The following ROBO2 variants were observed in gnomAD, a reference collection of about 807,000 sequenced individuals.
The protein encoded by ROBO2 is roundabout guidance receptor 2, also known as roundabout homolog 2.
ROBO2 carries 53 observed loss-of-function variants against 160.8 expected under a neutral mutation model. The observed-to-expected ratio is 0.33, with a 90% CI of 0.26 to 0.41. The LOEUF (loss-of-function observed/expected upper bound fraction) is 0.41, where lower values mean the gene tolerates loss of function less well. Ranked by LOEUF, ROBO2 falls within the 10% of genes least tolerant of loss-of-function variation. The pLI is 1.00. For synonymous variants in ROBO2, 664 were observed against 611.7 expected, an observed-to-expected ratio of 1.09 and a Z score of -1.26; for missense variants, 1,577 against 1,722.4, an observed-to-expected ratio of 0.92 and a Z score of 1.49.
At chr3:77,078,948 G>T (rs1379975021) in intron 1 of ROBO2, among the ~76,000 whole-genome samples, 6 of 151,998 alleles carry the variant, frequency 3.9e-5, no homozygotes, top group African/African-American at 1.4e-4. Flanking sequence ...TTTATTGATT[G>T]ATTGATTGAT....
intron 2 of ROBO2, among the ~76,000 whole-genome samples, chr3:76,775,748 T>C (rs1465939809): frequency 2.3e-5 from 1 of 44,254 alleles, no homozygotes; most frequent in Non-Finnish European, 5.0e-5. Flanking sequence ...TGTTATTTAA[T>C]TGTTCACTCT....
intron 2 of ROBO2, among the ~76,000 whole-genome samples, chr3:77,172,907 G>T (rs1003065603): frequency 6.6e-6 from 1 of 152,192 alleles, no homozygotes; most frequent in African/African-American, 2.4e-5. Flanking sequence ...CTAGAATTGT[G>T]ACCCTCCTAC....
chr3:76,187,793 G>T (rs1701833191), intron 2 of ROBO2, among the ~76,000 whole-genome samples: 1 of 151,994 alleles, frequency 6.6e-6, no homozygotes, highest in African/African-American at 2.4e-5. Flanking sequence ...GGAATCATCA[G>T]GTTCAGCCTC....
chr3:76,046,631 G>C (rs2067461897), intron 2 of ROBO2, among the ~76,000 whole-genome samples: 1 of 151,918 alleles, frequency 6.6e-6, no homozygotes, highest in South Asian at 2.1e-4. Context: ...CTGGGTGACA[G>C]AGCCAGACTC....
chr3:77,608,630 A>G (rs1469975120), intron 21 of ROBO2, among the ~76,000 whole-genome samples: 6 of 152,174 alleles, frequency 3.9e-5, no homozygotes. Flanking sequence ...AAAGACACTG[A>G]TATTTTTTAT....
chr3:76,692,147 G>T (rs1208101687), intron 2 of ROBO2, among the ~76,000 whole-genome samples: 1 of 152,108 alleles, frequency 6.6e-6, no homozygotes, highest in East Asian at 1.9e-4. Flanking sequence ...AAAATAACAA[G>T]GTTGGGGGAA....
intron 2 of ROBO2, among the ~76,000 whole-genome samples, chr3:76,640,516 C>T (rs528287548): frequency 1.3e-5 from 2 of 150,934 alleles, no homozygotes; most frequent in African/African-American, 2.4e-5. Flanking sequence ...GCCTGGGCAA[C>T]GAGTGAAGCT....
chr3:76,977,555 T>G (rs1175157401), intron 2 of ROBO2, among the ~76,000 whole-genome samples: 1 of 152,198 alleles, frequency 6.6e-6, no homozygotes, highest in African/African-American at 2.4e-5. Context: ...GTTGAGTATT[T>G]AGAAATTTGA....
At chr3:77,317,191 C>T (rs60646031) in intron 2 of ROBO2, 4 of 866,444 alleles carry the variant, frequency 4.6e-6, no homozygotes, top group South Asian at 1.3e-5. Context: ...TAGAGCACCC[C>T]GGATGGAAGG....
chr3:76,868,440 T>C (rs2071614800), intron 2 of ROBO2, among the ~76,000 whole-genome samples: 1 of 152,222 alleles, frequency 6.6e-6, no homozygotes, highest in East Asian at 1.9e-4. Flanking sequence ...TATCAAAACA[T>C]ACTTGTTACG....
intron 2 of ROBO2, among the ~76,000 whole-genome samples, chr3:76,383,150 C>T (rs548168384): frequency 3.3e-5 from 5 of 151,896 alleles, no homozygotes; most frequent in Non-Finnish European, 7.4e-5. Flanking sequence ...AAATAGTGTT[C>T]TAAAAATAGA....
intron 2 of ROBO2, among the ~76,000 whole-genome samples, chr3:77,420,936 A>G (rs1336573560): frequency 6.6e-6 from 1 of 152,112 alleles, no homozygotes; most frequent in East Asian, 1.9e-4. Flanking sequence ...TCCCAATCCG[A>G]CTAATTAAAT....
At chr3:77,302,796 ATGACC>A (rs2062772972) in intron 2 of ROBO2, among the ~76,000 whole-genome samples, 1 of 152,218 alleles carries the variant, frequency 6.6e-6, no homozygotes, top group Non-Finnish European at 1.5e-5. Context: ...GCAGCTGGCT[ATGACC>A]TTTTTATTGA....
intron 2 of ROBO2, among the ~76,000 whole-genome samples, chr3:77,237,183 CTTT>C (rs34992972): frequency 9.3e-6 from 1 of 107,112 alleles, no homozygotes; most frequent in Non-Finnish European, 1.8e-5. Flanking sequence ...CTTGACCTTT[CTTT>C]TTTTTTTTTT....
At chr3:76,747,489 T>G (rs2093912914) in intron 2 of ROBO2, among the ~76,000 whole-genome samples, 1 of 152,072 alleles carries the variant, frequency 6.6e-6, no homozygotes, top group Non-Finnish European at 1.5e-5. Flanking sequence ...AAGGAGGAAA[T>G]TAGCATTAAT....
intron 2 of ROBO2, among the ~76,000 whole-genome samples, chr3:76,351,050 T>TA (rs1219929431): frequency 6.6e-6 from 1 of 151,960 alleles, no homozygotes; most frequent in Non-Finnish European, 1.5e-5. Context: ...TTTTACTAGA[T>TA]ATGTTTTTAA....
chr3:76,809,481 G>A (rs1025400398), intron 2 of ROBO2, among the ~76,000 whole-genome samples: 1 of 152,130 alleles, frequency 6.6e-6, no homozygotes, highest in Non-Finnish European at 1.5e-5. Context: ...ATATAACATA[G>A]CATATTCAAG....
chr3:76,027,302 C>T (rs12493274), intron 2 of ROBO2, among the ~76,000 whole-genome samples: 7,911 of 151,958 alleles, frequency 0.052, 310 homozygotes, highest in Admixed American at 0.075. Context: ...TTGTACCTCC[C>T]AGTCACCTGC....
At chr3:77,459,734 G>A (rs1332122037) in intron 2 of ROBO2, among the ~76,000 whole-genome samples, 2 of 152,018 alleles carry the variant, frequency 1.3e-5, no homozygotes, top group African/African-American at 4.8e-5. Context: ...GAAGTCATGG[G>A]GAGAATAACA....
Sources: gnomAD v4.1 joint callset for allele counts (sites outside exome capture counted in the v4.1 genomes callset) on GRCh38, gnomAD v4.1.1 for gene constraint, MANE v1.5 for transcripts, NCBI Gene and HGNC (gene_info 2026-07-23, HGNC 2026-07-21) for gene names.